The following MUC22 variants were observed in gnomAD, a reference collection of about 807,000 sequenced individuals.
MUC22 encodes the protein mucin 22, also known as mucin-22.
MUC22 carries 24 observed loss-of-function variants against 40.3 expected under a neutral mutation model. The ratio of observed to expected loss-of-function variants is 0.60; its 90% CI spans 0.43 to 0.84. The LOEUF (loss-of-function observed/expected upper bound fraction) is 0.84, where lower values mean the gene tolerates loss of function less well. Among genes scored for constraint, MUC22 ranks in the 40% least tolerant of loss-of-function variants. The pLI, the probability that MUC22 is intolerant of heterozygous loss-of-function variation, is 0.00. For synonymous variants in MUC22, 765 were observed against 844.5 expected, an observed-to-expected ratio of 0.91 and a Z score of 1.63; for missense variants, 1,926 against 2,130.7, an observed-to-expected ratio of 0.90 and a Z score of 1.89.
In MUC22 at chr6:31,032,134, C is replaced by A; in HGVS notation, c.4670-62C>A. On this transcript the variant is annotated intron_variant, in intron 2 of 3. Transcript: ENST00000561890. The surrounding 1 kb of genome is among the most constrained non-coding windows in gnomAD (Gnocchi z 4.1). The stretch of plus-strand genomic sequence containing the variant: ...GATTCACCCTCCTCTGGTCTAAGCA[C>A]CCCCATTCCCCTTTAATCATCTCTG... 2 of 1,480,692 alleles carry A rather than the reference C, an allele frequency of 1.4e-6. No homozygotes were observed. Among genetic ancestry groups the A allele is most frequent in the African/African-American group, 1.4e-5 (1 of 72,058 alleles). 91.7% of individuals were successfully genotyped at this position (1,480,692 alleles called of 1,614,324 possible).
At chr6:31,025,694 C>T in exon 2 of MUC22, 3 of 1,529,672 alleles carry the variant, frequency 2.0e-6, no homozygotes, top group Non-Finnish European at 2.6e-6. Flanking sequence ...GCAGCCTTCA[C>T]CACAGGCTCT....
Position 31,018,201 on chromosome 6 carries a change from A to G in MUC22, c.71-7301A>G, listed in dbSNP as rs17189959. On this transcript the variant is annotated intron_variant, in intron 1 of 3. Transcript: ENST00000561890. ...ACTGATCTAGAGTTTCTTTGGTTTC[A>G]GTATCTCCAGAGATAAAACCCTAAG... is the stretch of plus-strand genomic sequence containing the variant. 2.7e-3 allele frequency among the ~76,000 whole-genome samples: 297 copies of G among 111,718 alleles called. 2 individuals are homozygous for G. The highest frequency in any genetic ancestry group is 5.2e-3 in the Admixed American group (55 of 10,564). 73.3% of individuals were successfully genotyped at this position (111,718 alleles called of 152,430 possible). A position where few individuals can be genotyped will look rare whatever the true frequency, so the allele number is the denominator to read the frequency against.
At chr6:31,021,017 C>T (rs1377345963) in intron 1 of MUC22, among the ~76,000 whole-genome samples, 1 of 152,106 alleles carries the variant, frequency 6.6e-6, no homozygotes, top group Non-Finnish European at 1.5e-5. Flanking sequence ...CCTCCATGGG[C>T]TTCTGTGCGG....
exon 4 of MUC22, chr6:31,034,800 T>C (rs1285406263): frequency 6.5e-6 from 10 of 1,535,560 alleles, no homozygotes; most frequent in Admixed American, 3.9e-5. Context: ...ATGCACTGGT[T>C]CATGGAGGAG....
chr6:31,007,745 G>A (rs770672033), upstream of MUC22, among the ~76,000 whole-genome samples: 2 of 152,112 alleles, frequency 1.3e-5, no homozygotes, highest in Non-Finnish European at 2.9e-5. The surrounding 1 kb of genome is among the most constrained non-coding windows in gnomAD (Gnocchi z 4.0). Context: ...CCTACTCTGT[G>A]CGAAACTAAT....
chr6:31,010,279 CCCT>C (rs1272439244), upstream of MUC22, among the ~76,000 whole-genome samples: 1 of 152,072 alleles, frequency 6.6e-6, no homozygotes, highest in Non-Finnish European at 1.5e-5. Context: ...CCCTCCCTGC[CCCT>C]CCTCATGTGT....
chr6:31,009,004 C>A (rs2844666), upstream of MUC22, among the ~76,000 whole-genome samples: 22,503 of 152,124 alleles, frequency 0.15, 1,741 homozygotes, highest in Admixed American at 0.2. Context: ...CACATATTTA[C>A]CATTTCTTTT....
At chr6:31,029,396 G>T (rs969227994) in exon 2 of MUC22, 9 of 1,534,884 alleles carry the variant, frequency 5.9e-6, no homozygotes, top group Non-Finnish European at 7.8e-6. Context: ...TCTACCACGG[G>T]CTCTGAGACC....
At chr6:31,028,088 C>A (rs1168252120) in exon 2 of MUC22, 2 of 1,534,840 alleles carry the variant, frequency 1.3e-6, no homozygotes, top group African/African-American at 1.4e-5. Flanking sequence ...TCTGAGACCA[C>A]CACAGCCTCT....
chr6:31,025,591 G>T, exon 2 of MUC22: 1 of 1,522,432 alleles, frequency 6.6e-7, no homozygotes, highest in Non-Finnish European at 8.8e-7. Flanking sequence ...CTCCACCATG[G>T]CCTCTACTTC....
At chr6:31,020,948 TG>T (rs1198111959) in intron 1 of MUC22, among the ~76,000 whole-genome samples, 1 of 152,202 alleles carries the variant, frequency 6.6e-6, no homozygotes, top group Non-Finnish European at 1.5e-5. Context: ...GGGCCTTAGC[TG>T]TCTTCCCATG....
intron 3 of MUC22, among the ~76,000 whole-genome samples, chr6:31,034,361 G>C (rs1766291548): frequency 6.6e-6 from 1 of 152,220 alleles, no homozygotes; most frequent in African/African-American, 2.4e-5. Context: ...TAGGGGTATG[G>C]ATTTACCTTT....
intron 2 of MUC22, among the ~76,000 whole-genome samples, chr6:31,031,917 G>A (rs1329043366): frequency 6.6e-6 from 1 of 152,058 alleles, no homozygotes; most frequent in Non-Finnish European, 1.5e-5. Flanking sequence ...TTCCACTTCT[G>A]AACCCATCGC....
rs1765248024 is a variant in MUC22 at position 31,025,847 on chromosome 6, CA to C, written c.418del (p.Thr140ProfsTer4). 2 of 1,533,778 alleles carry C rather than the reference CA, an allele frequency of 1.3e-6. No homozygotes were observed. The highest frequency in any genetic ancestry group is 1.7e-6 in the Non-Finnish European group (2 of 1,145,434). On this transcript the variant is annotated frameshift_variant, in exon 2 of 4. Coordinates refer to ENST00000561890, the Ensembl canonical transcript of MUC22. LOFTEE classifies it high-confidence loss of function. ...TCCACCACAGTCTCTGGGACCACAA[CA>C]ACCTTTACTATAGCCTCCACTACAG...
chr6:31,029,352 C>G, exon 2 of MUC22: 1 of 1,529,926 alleles, frequency 6.5e-7, no homozygotes, highest in Non-Finnish European at 8.7e-7. Flanking sequence ...AGACTACCAC[C>G]ACCTCTACTG....
intron 1 of MUC22, among the ~76,000 whole-genome samples, chr6:31,024,265 A>T (rs935907274): frequency 6.6e-6 from 1 of 152,266 alleles, no homozygotes; most frequent in African/African-American, 2.4e-5. Flanking sequence ...AGACATTATT[A>T]GAACAACTAA....
chr6:31,007,665 G>C (rs973428688), upstream of MUC22, among the ~76,000 whole-genome samples: 1 of 152,158 alleles, frequency 6.6e-6, no homozygotes, highest in African/African-American at 2.4e-5. This position sits in a 1 kb window ranked among gnomAD's most constrained non-coding sequence, Gnocchi z 4.0. Context: ...GGTCATTCAA[G>C]GGCGAATTTC....
chr6:31,025,429 A>G lies in MUC22; in HGVS notation c.71-73A>G, dbSNP rs1765195792. 7 of 1,399,298 alleles carry G rather than the reference A, an allele frequency of 5.0e-6. No homozygotes were observed. In the South Asian group the frequency reaches 1.1e-4, roughly 21 times the overall value. 86.7% of individuals were successfully genotyped at this position (1,399,298 alleles called of 1,614,324 possible). ...GAATAAGAAGTACTGAGTATATGTGAAAGTAACACTATACTAAACCTGCAA... is the reference window on the plus strand; with the variant it reads ...GAATAAGAAGTACTGAGTATATGTGGAAGTAACACTATACTAAACCTGCAA... On this transcript the variant is annotated intron_variant, in intron 1 of 3. Coordinates refer to ENST00000561890, the Ensembl canonical transcript of MUC22.
At position 31,029,261 on chromosome 6, in the gene MUC22, T is replaced by TGTCTCTTC; in HGVS notation, c.3830_3831insGTCTCTTC (p.Ile1277MetfsTer122). 1 of 1,486,372 alleles carries TGTCTCTTC rather than the reference T, an allele frequency of 6.7e-7. No individual in the cohort carries two copies. Among genetic ancestry groups the TGTCTCTTC allele is most frequent in the Non-Finnish European group, 8.9e-7 (1 of 1,124,604 alleles). 92.1% of individuals were successfully genotyped at this position (1,486,372 alleles called of 1,614,324 possible). ...TCTACCACAGGCACTGAGACTACCATCACCTCTACTGAAGGTTCAGAGACC... is the reference window on the plus strand; with the variant it reads ...TCTACCACAGGCACTGAGACTACCATGTCTCTTCCACCTCTACTGAAGGTTCAGAGACC... On this transcript the variant is annotated frameshift_variant, in exon 2 of 4. Transcript: ENST00000561890. LOFTEE classifies it high-confidence loss of function.
Sources: allele counts gnomAD v4.1 joint callset (sites outside exome capture counted in the v4.1 genomes callset), GRCh38; gene constraint gnomAD v4.1.1; non-coding constraint Gnocchi (gnomAD v3.1); transcripts MANE v1.5; gene names NCBI Gene and HGNC (gene_info 2026-07-23, HGNC 2026-07-21).